Variants in CLK4 observed in about 807,000 individuals in gnomAD.
The protein encoded by CLK4 is CDC like kinase 4.
CLK4 carries 37 observed loss-of-function variants against 64.4 expected under a neutral mutation model. The observed-to-expected ratio is 0.57, with a 90% CI of 0.44 to 0.76. The LOEUF is 0.76. Ranked by LOEUF, CLK4 falls within the 30% of genes least tolerant of loss-of-function variation. CLK4 has a pLI of 0.00. For missense variants in CLK4, 457 were observed against 605.1 expected (o/e 0.76, Z 2.57); for synonymous variants, 175 against 191.6 (o/e 0.91, Z 0.72).
intron 9 of CLK4, among the ~76,000 whole-genome samples, 184 bp downstream of exon 9, chr5:178,612,232 C>T (rs1429138582): frequency 6.6e-6 from 1 of 152,196 alleles, no homozygotes; most frequent in Non-Finnish European, 1.5e-5. Context: ...CTTTCCCAGA[C>T]AGTATCACAT....
In CLK4 at chr5:178,622,355, C is replaced by G. The variant is rs963564249; in HGVS notation, c.161+901G>C. Reference sequence around the variant, plus strand: ...ACTACAAATAAGCTGTTTGGCAGAACAAGTCTGTTAACGTGGAGAAGGAAA... The same window carrying G: ...ACTACAAATAAGCTGTTTGGCAGAAGAAGTCTGTTAACGTGGAGAAGGAAA... On this transcript the variant is annotated intron_variant, in intron 2 of 12. Coordinates refer to ENST00000316308, the MANE Select transcript of CLK4 (RefSeq NM_020666.3). The G allele has an allele frequency of 5.7e-6, 5 of 876,618 alleles. No homozygotes were observed. In the African/African-American group the frequency reaches 7.2e-5, roughly 13 times the overall value. 54.3% of individuals were successfully genotyped at this position (876,618 alleles called of 1,614,324 possible). A position where few individuals can be genotyped will look rare whatever the true frequency, so the allele number is the denominator to read the frequency against.
Position 178,623,347 on chromosome 5 carries a change from G to C in CLK4, c.70C>G (p.Arg24Gly), listed in dbSNP as rs144043842. 2.3e-5 allele frequency: 37 copies of C among 1,613,866 alleles called. No individual in the cohort carries two copies. Among genetic ancestry groups the C allele is most frequent in the Non-Finnish European group, 2.7e-5 (32 of 1,179,968 alleles). Residue 24 changes from arginine (R) to glycine (G), a missense_variant, in exon 2 of 13, where the codon CGT becomes GGT. By Grantham distance (125) the Arg-to-Gly change is moderately radical. Transcript: ENST00000316308. Reference protein sequence around the residue: ...SRESWGHESYRGSHKRKRRSH... With the variant: ...SRESWGHESYGGSHKRKRRSH... ...CTCCTCTTCCGCTTGTGACTTCCAC[G>C]ATAGCTTTCATGTCCCCAGCTTTCT...
chr5:178,626,564 G>T (rs1044085408), intron 1 of CLK4, among the ~76,000 whole-genome samples: 1 of 152,264 alleles, frequency 6.6e-6, no homozygotes, highest in East Asian at 1.9e-4. Context: ...GAATCCAGGG[G>T]AAGACTTGAT....
rs1458621102 is a variant in CLK4 at position 178,603,270 on chromosome 5, T to C, written c.*347A>G. 3 of 157,466 alleles carry C rather than the reference T, an allele frequency of 1.9e-5. No individual in the cohort carries two copies. Among genetic ancestry groups the C allele is most frequent in the African/African-American group, 7.2e-5 (3 of 41,634 alleles). 9.8% of individuals were successfully genotyped at this position (157,466 alleles called of 1,614,324 possible). A position where few individuals can be genotyped will look rare whatever the true frequency, so the allele number is the denominator to read the frequency against. ...TATAAAGAATATTCCTTTAAGAATA[T>C]AAAGTAGTCAAGATTTCCTTTTACT... On this transcript the variant is annotated 3_prime_UTR_variant, in exon 13 of 13. Transcript: ENST00000316308.
At chr5:178,607,052 C>T (rs1251453433) in intron 10 of CLK4, among the ~76,000 whole-genome samples, 2 of 150,612 alleles carry the variant, frequency 1.3e-5, no homozygotes, top group African/African-American at 4.9e-5. Flanking sequence ...TTTTGTTTTA[C>T]CAATTAAGGA....
At chr5:178,620,539 AG>A (rs756331062) in intron 2 of CLK4, 17 of 179,896 alleles carry the variant, frequency 9.4e-5, no homozygotes, top group South Asian at 4.0e-4. Context: ...GGCTATGGAC[AG>A]GGTAGACAGG....
chr5:178,611,222 C>A (rs1310216618), intron 9 of CLK4, among the ~76,000 whole-genome samples: 4 of 152,100 alleles, frequency 2.6e-5, no homozygotes. Context: ...AATGAGGAAT[C>A]TATTGCCTTC....
chr5:178,608,371 C>T lies in CLK4; in HGVS notation c.1134+5G>A, dbSNP rs753554591. The T allele has an allele frequency of 4.4e-6, 7 of 1,573,958 alleles. No homozygotes were observed. The highest frequency in any genetic ancestry group is 1.2e-5 in the South Asian group (1 of 85,412). ...ATTATTAAATGGAATTTACTAGCCA[C>T]GTACCTGAAAGACTGTGAAACCAAG... On this transcript the variant is annotated splice_donor_5th_base_variant and intron_variant, in intron 10 of 12. Transcript: ENST00000316308.
intron 9 of CLK4, among the ~76,000 whole-genome samples, chr5:178,609,420 T>C (rs550135635): frequency 8.9e-4 from 135 of 152,200 alleles, no homozygotes; most frequent in South Asian, 6.4e-3. Context: ...CGGTGGCTCA[T>C]GCCTGTAATC....
chr5:178,606,690 C>T (rs931962379), intron 10 of CLK4, among the ~76,000 whole-genome samples: 11 of 152,208 alleles, frequency 7.2e-5, no homozygotes, highest in African/African-American at 2.2e-4. Context: ...AGGCTGGGTG[C>T]GGTGGCTCAC....
intron 9 of CLK4, among the ~76,000 whole-genome samples, chr5:178,608,783 T>G (rs1764502401): frequency 6.6e-6 from 1 of 152,234 alleles, no homozygotes; most frequent in African/African-American, 2.4e-5. Flanking sequence ...AGAGCACTGC[T>G]GTTAAAACCA....
At chr5:178,603,975 A>G (rs779205771) in intron 11 of CLK4, 41 bp from the exon 12 acceptor site, 1 of 1,477,778 alleles carries the variant, frequency 6.8e-7, no homozygotes, top group South Asian at 1.2e-5. Context: ...TAAAATAACA[A>G]GAGTCGTATC....
rs1446589469 is a variant in CLK4 at position 178,612,894 on chromosome 5, C to T, written c.827-4G>A. On this transcript the variant is annotated splice_polypyrimidine_tract_variant and splice_region_variant and intron_variant, in intron 7 of 12. Transcript: ENST00000316308. ...GTTAATTTATTATGATGTAAAACTA[C>T]AAGAGAACAAAAGCACATTATTAGT... The T allele has an allele frequency of 4.3e-6, 6 of 1,406,754 alleles. No individual in the cohort carries two copies. The highest frequency in any genetic ancestry group is 5.0e-6 in the Non-Finnish European group (5 of 1,006,950). 87.1% of individuals were successfully genotyped at this position (1,406,754 alleles called of 1,614,324 possible).
chr5:178,605,518 C>G lies in CLK4; in HGVS notation c.1135-136G>C. On this transcript the variant is annotated intron_variant, in intron 10 of 12. Transcript: ENST00000316308. The stretch of plus-strand genomic sequence containing the variant: ...TTAAAGAATAACTGGGCAAGGTTAC[C>G]AGAAAAACTGTCTCCTCATTTAATC... 6.1e-6 allele frequency: 3 copies of G among 490,948 alleles called. No homozygotes were observed. The South Asian group carries it at 1.1e-4, about 18-fold the overall frequency. 30.4% of individuals were successfully genotyped at this position (490,948 alleles called of 1,614,324 possible).
intron 2 of CLK4, chr5:178,622,001 A>G (rs1185858949): frequency 6.6e-6 from 1 of 152,170 alleles, no homozygotes; most frequent in Non-Finnish European, 1.5e-5. Context: ...CACCAAACAC[A>G]TCTGGTACAA....
chr5:178,610,423 A>G (rs934111521), intron 9 of CLK4, among the ~76,000 whole-genome samples: 2 of 152,136 alleles, frequency 1.3e-5, no homozygotes, highest in East Asian at 3.9e-4. Context: ...TATACCCAAC[A>G]TAAGGCCAAC....
intron 5 of CLK4, among the ~76,000 whole-genome samples, 165 bp downstream of exon 5, chr5:178,616,717 A>G (rs1403316073): frequency 6.6e-6 from 1 of 152,140 alleles, no homozygotes; most frequent in Non-Finnish European, 1.5e-5. Context: ...AATCACTTGA[A>G]GCCGGGAGGC....
intron 2 of CLK4, chr5:178,619,834 C>T: frequency 7.8e-7 from 1 of 1,281,608 alleles, no homozygotes; most frequent in Non-Finnish European, 1.0e-6. Flanking sequence ...GTCCCCCTCT[C>T]TACCTGGGAT....
chr5:178,607,040 C>T (rs1764476901), intron 10 of CLK4, among the ~76,000 whole-genome samples: 1 of 151,284 alleles, frequency 6.6e-6, no homozygotes, highest in Non-Finnish European at 1.5e-5. Flanking sequence ...GAGTTTCCTA[C>T]TTTTTGTTTT....
Sources: allele counts gnomAD v4.1 joint callset (sites outside exome capture counted in the v4.1 genomes callset), GRCh38; gene constraint gnomAD v4.1.1; transcripts MANE v1.5; gene names NCBI Gene and HGNC (gene_info 2026-07-23, HGNC 2026-07-21).